The following KIAA1671 variants were observed in gnomAD, a reference collection of about 807,000 sequenced individuals.
KIAA1671 encodes the protein uncharacterized protein KIAA1671.
KIAA1671 carries 52 observed loss-of-function variants against 131.2 expected under a neutral mutation model. The ratio of observed to expected loss-of-function variants is 0.40; its 90% confidence interval spans 0.32 to 0.50. The LOEUF (loss-of-function observed/expected upper bound fraction) is 0.50. Ranked by LOEUF, KIAA1671 falls within the 20% of genes least tolerant of loss-of-function variation. KIAA1671 has a pLI of 0.73. For missense variants in KIAA1671, 2,360 were observed against 2,364.2 expected, an observed-to-expected ratio of 1.00 and a Z score of 0.04; for synonymous variants, 1,003 against 961.6, an observed-to-expected ratio of 1.04 and a Z score of -0.80.
rs113902496 is a variant in KIAA1671, at chr22:25,134,930, A to G, written c.4531-35890A>G. ...CAGGTAAAGCACTTAGCACCATGTC[A>G]CGTAGCAGACACTCTATACATGTTA... On this transcript the variant is annotated intron_variant, in intron 6 of 12. Transcript: ENST00000358431. Among the ~76,000 whole-genome samples the G allele has an allele frequency of 1.4e-3, 214 of 152,334 alleles. 1 individual carries two copies. The highest frequency in any genetic ancestry group is 4.7e-3 in the African/African-American group (194 of 41,574).
chr22:24,996,373 C>T (rs1569201510), intron 1 of KIAA1671, among the ~76,000 whole-genome samples: 2 of 152,102 alleles, frequency 1.3e-5, no homozygotes, highest in African/African-American at 4.8e-5. Context: ...TCACACGAGC[C>T]TTATGGATTA....
intron 6 of KIAA1671, among the ~76,000 whole-genome samples, chr22:25,120,327 G>C (rs1362635025): frequency 1.3e-5 from 2 of 152,250 alleles, no homozygotes; most frequent in African/African-American, 4.8e-5. Flanking sequence ...CGCCAGGCAG[G>C]CAGGACAGGC....
At chr22:24,999,723 T>A (rs1280638539) in intron 1 of KIAA1671, among the ~76,000 whole-genome samples, 4 of 146,744 alleles carry the variant, frequency 2.7e-5, no homozygotes, top group Admixed American at 2.1e-4. Context: ...CCACTATGCC[T>A]GGCTAACTGT....
At position 25,171,731 on chromosome 22, in the gene KIAA1671, A is replaced by T. The variant is rs552606011; in HGVS notation, c.4649+793A>T. Among the ~76,000 whole-genome samples, 726 of 151,036 alleles carry T rather than the reference A, an allele frequency of 4.8e-3. 7 individuals are homozygous for T. The highest frequency in any genetic ancestry group is 0.017 in the African/African-American group (702 of 40,550). The stretch of plus-strand genomic sequence containing the variant: ...GAGACACCTTGTCTAAAAAAAAATA[A>T]TAATAATAATAATGATATATGAAAT... On this transcript the variant is annotated intron_variant, in intron 7 of 12. Coordinates refer to ENST00000358431, the MANE Select transcript of KIAA1671 (RefSeq NM_001145206.2).
chr22:25,102,036 G>T (rs1307574755), intron 6 of KIAA1671, among the ~76,000 whole-genome samples: 2 of 152,216 alleles, frequency 1.3e-5, no homozygotes, highest in Non-Finnish European at 2.9e-5. Flanking sequence ...TGCTGGCCAG[G>T]TGAGGAAGGG....
At chr22:25,089,429 C>T (rs908763487) in intron 6 of KIAA1671, among the ~76,000 whole-genome samples, 12 of 151,984 alleles carry the variant, frequency 7.9e-5, no homozygotes, top group Non-Finnish European at 1.5e-5. Flanking sequence ...CACTCACCTC[C>T]ATGCCCAGCT....
In KIAA1671 at chr22:25,004,055, G is replaced by T. The variant is rs528804962; in HGVS notation, c.-207-21578G>T. Among the ~76,000 whole-genome samples, 263 of 151,106 alleles carry T rather than the reference G, an allele frequency of 1.7e-3. 2 individuals are homozygous for T. Among genetic ancestry groups the T allele is most frequent in the Admixed American group, 3.1e-3 (47 of 15,174 alleles). ...GCTGGTCTCGGACTTCTGACCTTGT[G>T]ATCCGCCTGCCTCAGCCTCCCAAAG... On this transcript the variant is annotated intron_variant, in intron 1 of 12. Coordinates refer to ENST00000358431, the MANE Select transcript of KIAA1671 (RefSeq NM_001145206.2).
At chr22:25,079,347 C>T (rs1929280300) in intron 6 of KIAA1671, among the ~76,000 whole-genome samples, 2 of 152,144 alleles carry the variant, frequency 1.3e-5, no homozygotes, top group South Asian at 2.1e-4. Flanking sequence ...CCCCTGCCTC[C>T]GCCTCCTGAG....
In KIAA1671 at chr22:25,041,182, C is replaced by T; in HGVS notation, c.4052C>T (p.Ser1351Phe). The T allele has an allele frequency of 6.4e-7, 1 of 1,551,786 alleles. No individual in the cohort carries two copies. The highest frequency in any genetic ancestry group is 1.2e-5 in the South Asian group (1 of 84,058). The part of the protein sequence containing the change: ...CQNYLAESKP[S>F]GREDPGSGVR... ...AATTACCTGGCTGAGTCAAAGCCCT[C>T]TGGTCGGGAGGATCCAGGCAGTGGG... The change falls in exon 5 of 13, where the codon TCT (serine) becomes TTT (phenylalanine). Residue 1351 changes from serine (S) to phenylalanine (F), a missense_variant. By Grantham distance (155) the Ser-to-Phe change is radical. Around this residue, in one of 3 missense-constraint regions of KIAA1671, gnomAD observed 1,161 missense variants for 1,204.7 expected, o/e 0.96. Coordinates refer to ENST00000358431, the MANE Select transcript of KIAA1671 (RefSeq NM_001145206.2).
intron 1 of KIAA1671, among the ~76,000 whole-genome samples, chr22:24,997,956 G>A (rs938636002): frequency 1.3e-5 from 2 of 152,092 alleles, no homozygotes; most frequent in African/African-American, 2.4e-5. Context: ...TACACATGCC[G>A]TTTTACAGAA....
intron 6 of KIAA1671, among the ~76,000 whole-genome samples, chr22:25,118,540 T>G (rs2145925122): frequency 6.6e-6 from 1 of 152,182 alleles, no homozygotes; most frequent in South Asian, 2.1e-4. Flanking sequence ...ATCCACCTAC[T>G]TCAGCCTCCC....
Position 25,116,422 on chromosome 22 carries a change from T to C in KIAA1671, c.4531-54398T>C, listed in dbSNP as rs558547423. On this transcript the variant is annotated intron_variant, in intron 6 of 12. Transcript: ENST00000358431. ...ATGTATGTATGTATGTATGTATGTATGTATGTATGTACGTATTGAGATGGA... is the reference window on the plus strand; with the variant it reads ...ATGTATGTATGTATGTATGTATGTACGTATGTATGTACGTATTGAGATGGA... Among the ~76,000 whole-genome samples the C allele has an allele frequency of 1.0e-4, 15 of 149,550 alleles. No individual in the cohort carries two copies. The South Asian group carries it at 3.2e-3, about 32-fold the overall frequency.
At chr22:25,022,144 C>T (rs1012210456) in intron 1 of KIAA1671, among the ~76,000 whole-genome samples, 248 of 152,288 alleles carry the variant, frequency 1.6e-3, no homozygotes, top group African/African-American at 5.7e-3. Flanking sequence ...GGTCACATTC[C>T]GGAAGATGCT....
chr22:25,096,730 G>A lies in KIAA1671; in HGVS notation c.4530+47366G>A, dbSNP rs1337493839. Among the ~76,000 whole-genome samples the A allele has an allele frequency of 4.6e-5, 7 of 152,160 alleles. No homozygotes were observed. In the South Asian group the frequency reaches 6.2e-4, roughly 14 times the overall value. On this transcript the variant is annotated intron_variant, in intron 6 of 12. Coordinates refer to ENST00000358431, the MANE Select transcript of KIAA1671 (RefSeq NM_001145206.2). ...TCACGGCAGTGAAAATAATAAGCACGTTCCACACTCCCTGAGGCCTGCTCC... is the reference window on the plus strand; with the variant it reads ...TCACGGCAGTGAAAATAATAAGCACATTCCACACTCCCTGAGGCCTGCTCC...
intron 1 of KIAA1671, among the ~76,000 whole-genome samples, chr22:24,983,816 T>C (rs1483669851): frequency 1.3e-5 from 2 of 150,782 alleles, no homozygotes; most frequent in African/African-American, 4.9e-5. Flanking sequence ...TTCACTCTTG[T>C]TGCCCAGGCT....
intron 6 of KIAA1671, among the ~76,000 whole-genome samples, chr22:25,144,894 A>AT (rs142920361): frequency 0.1 from 15,260 of 152,192 alleles, 836 homozygotes; most frequent in East Asian, 0.16. Context: ...GTGTGACTGG[A>AT]TATTATCTGA....
intron 2 of KIAA1671, among the ~76,000 whole-genome samples, chr22:25,027,256 G>A (rs1925999006): frequency 6.6e-6 from 1 of 151,956 alleles, no homozygotes; most frequent in African/African-American, 2.4e-5. Context: ...GGAAAGAAAA[G>A]GGACAAAGGG....
chr22:25,114,826 A>G (rs1931573082), intron 6 of KIAA1671, among the ~76,000 whole-genome samples: 1 of 152,230 alleles, frequency 6.6e-6, no homozygotes, highest in Non-Finnish European at 1.5e-5. Flanking sequence ...AAAGCCACAG[A>G]CAATTACTTA....
rs867550573 is a variant in KIAA1671, at chr22:25,039,234, C to T, written c.2104C>T (p.Arg702Trp). Residue 702 changes from arginine (R) to tryptophan (W), a missense_variant, in exon 5 of 13, where the codon CGG (arginine) becomes TGG (tryptophan). Arg to Trp is a moderately radical substitution (Grantham distance 101). This residue lies in a region of KIAA1671 where 1,185 missense variants were observed against 1,126.2 expected (regional missense o/e 1.05). Coordinates refer to ENST00000358431, the MANE Select transcript of KIAA1671 (RefSeq NM_001145206.2). ...ACTGAGACCGTATCACACGCCTCTC[C>T]GGGACAAATACCCTTTGTCTGAAAA... is the stretch of plus-strand genomic sequence containing the variant. ...GELRPYHTPLRDKYPLSENHN... is the reference protein window; with the variant it reads ...GELRPYHTPLWDKYPLSENHN... 773 of 1,552,274 alleles carry T rather than the reference C, an allele frequency of 5.0e-4. No individual in the cohort carries two copies. In the African/African-American group the frequency reaches 6.2e-3, roughly 13 times the overall value.
Sources: allele counts gnomAD v4.1 joint callset (sites outside exome capture counted in the v4.1 genomes callset), GRCh38; gene constraint gnomAD v4.1.1; regional missense constraint gnomAD v4.1.1; transcripts MANE v1.5; gene names NCBI Gene and HGNC (gene_info 2026-07-23, HGNC 2026-07-21).